Variants in UBE2R2 observed in about 807,000 individuals in gnomAD.
UBE2R2 encodes the protein ubiquitin-conjugating enzyme E2 R2.
Under a neutral mutation model 27.8 loss-of-function variants are expected in UBE2R2, and 1 was observed. The ratio of observed to expected loss-of-function variants is 0.04; its 90% CI spans 0.01 to 0.17. The LOEUF is 0.17. Among genes scored for constraint, UBE2R2 ranks in the 10% least tolerant of loss-of-function variants. UBE2R2 has a pLI of 1.00. For synonymous variants in UBE2R2, 106 were observed against 113.3 expected, an observed-to-expected ratio of 0.94 and a Z score of 0.41; for missense variants, 100 against 291.0, an observed-to-expected ratio of 0.34 and a Z score of 4.78.
chr9:33,817,606 G>C lies in UBE2R2; in HGVS notation c.-152G>C, dbSNP rs867091930. Reference sequence around the variant, plus strand: ...GACCCCGGGCGGGCCCACGGGCCGTGTGGGGCCTGGTCTGGCCCGCCGGGT... The same window carrying C: ...GACCCCGGGCGGGCCCACGGGCCGTCTGGGGCCTGGTCTGGCCCGCCGGGT... On this transcript the variant is annotated 5_prime_UTR_variant, in exon 1 of 5. Coordinates refer to ENST00000263228, the MANE Select transcript of UBE2R2 (RefSeq NM_017811.4). 1 of 947,622 alleles carries C rather than the reference G, an allele frequency of 1.1e-6. No homozygotes were observed. Among genetic ancestry groups the C allele is most frequent in the Non-Finnish European group, 1.3e-6 (1 of 770,320 alleles). The allele number at this position is 947,622 out of a possible 1,614,324, so 58.7% of individuals were successfully genotyped here.
intron 4 of UBE2R2, 44 bp from the exon 5 acceptor site, chr9:33,916,974 A>G: frequency 6.2e-7 from 1 of 1,604,130 alleles, no homozygotes; most frequent in Non-Finnish European, 8.5e-7. Context: ...TCTGTCTTAA[A>G]AAAAGACTTA....
At chr9:33,891,400 C>T (rs1453971121) in intron 2 of UBE2R2, among the ~76,000 whole-genome samples, 6 of 151,408 alleles carry the variant, frequency 4.0e-5, no homozygotes, top group South Asian at 4.2e-4. Flanking sequence ...AATCCTAACA[C>T]TTTGGGAGGC....
Position 33,848,898 on chromosome 9 carries a change from C to T in UBE2R2, c.177+30964C>T, listed in dbSNP as rs1820902321. On this transcript the variant is annotated intron_variant, in intron 1 of 4. Coordinates refer to ENST00000263228, the MANE Select transcript of UBE2R2 (RefSeq NM_017811.4). ...GGATTACATGCATGAGCTACCACAC[C>T]CGCCGAGTCTAATCTTAAAATGAGA... Among the ~76,000 whole-genome samples, 3 of 151,976 alleles carry T rather than the reference C, an allele frequency of 2.0e-5. No homozygotes were observed. In the South Asian group the frequency reaches 6.2e-4, roughly 32 times the overall value.
intron 1 of UBE2R2, among the ~76,000 whole-genome samples, chr9:33,844,300 G>T (rs757979839): frequency 1.3e-5 from 2 of 152,162 alleles, no homozygotes; most frequent in Non-Finnish European, 2.9e-5. Context: ...CGCCTCCCGG[G>T]TTCAAGCGAT....
At chr9:33,889,061 T>C (rs538510149) in intron 2 of UBE2R2, among the ~76,000 whole-genome samples, 3 of 152,344 alleles carry the variant, frequency 2.0e-5, no homozygotes, top group South Asian at 2.1e-4. Flanking sequence ...AAATAAACAA[T>C]AGTGACTACA....
intron 1 of UBE2R2, among the ~76,000 whole-genome samples, chr9:33,851,702 T>C (rs1284798673): frequency 6.6e-6 from 1 of 152,164 alleles, no homozygotes; most frequent in Non-Finnish European, 1.5e-5. Context: ...TTCCTTGTAA[T>C]TCATGAGTAT....
chr9:33,899,292 C>T lies in UBE2R2; in HGVS notation c.265-882C>T, dbSNP rs369740343. Among the ~76,000 whole-genome samples the T allele has an allele frequency of 5.1e-4, 77 of 152,204 alleles. 1 individual carries two copies. In the East Asian group the frequency reaches 0.013, roughly 26 times the overall value. ...TTGGCTCACTGCAACCTCCGCCTCC[C>T]GGGTTCAAGCGATTCTCCTGCCTCA... On this transcript the variant is annotated intron_variant, in intron 2 of 4. Transcript: ENST00000263228.
Position 33,844,423 on chromosome 9 carries a change from C to T in UBE2R2, c.177+26489C>T, listed in dbSNP as rs1219228519. Among the ~76,000 whole-genome samples, 4 of 151,548 alleles carry T rather than the reference C, an allele frequency of 2.6e-5. No individual in the cohort carries two copies. The South Asian group carries it at 6.2e-4, about 24-fold the overall frequency. On this transcript the variant is annotated intron_variant, in intron 1 of 4. Coordinates refer to ENST00000263228, the MANE Select transcript of UBE2R2 (RefSeq NM_017811.4). The stretch of plus-strand genomic sequence containing the variant: ...TTCACCATGTTGGTCAGGCTGGTCT[C>T]GAACTCCTGACTTCAGATGATCCGC...
At chr9:33,891,299 A>G (rs1041403493) in intron 2 of UBE2R2, among the ~76,000 whole-genome samples, 3 of 148,022 alleles carry the variant, frequency 2.0e-5, no homozygotes, top group Non-Finnish European at 4.5e-5. Context: ...TCGGCCTCCC[A>G]AAGTGCTGGG....
intron 1 of UBE2R2, among the ~76,000 whole-genome samples, chr9:33,850,724 C>A (rs1820948123): frequency 6.6e-6 from 1 of 152,062 alleles, no homozygotes; most frequent in Admixed American, 6.6e-5. Context: ...AAATAGTTCA[C>A]ATATATAGTT....
At chr9:33,834,503 G>A (rs1162201116) in intron 1 of UBE2R2, among the ~76,000 whole-genome samples, 4 of 150,956 alleles carry the variant, frequency 2.6e-5, no homozygotes, top group Non-Finnish European at 5.9e-5. Context: ...TGAGCCACAC[G>A]CCCAGCCTTC....
chr9:33,873,287 T>A (rs1369175243), intron 1 of UBE2R2, among the ~76,000 whole-genome samples: 1 of 152,114 alleles, frequency 6.6e-6, no homozygotes, highest in African/African-American at 2.4e-5. Context: ...GTGCTGCTGT[T>A]TTTTTCCCCC....
At chr9:33,882,126 C>T (rs1821742587) in intron 1 of UBE2R2, among the ~76,000 whole-genome samples, 2 of 152,098 alleles carry the variant, frequency 1.3e-5, no homozygotes, top group Admixed American at 1.3e-4. Context: ...CAGTTTGGCT[C>T]CTATGCTGTT....
intron 2 of UBE2R2, among the ~76,000 whole-genome samples, chr9:33,896,359 A>T (rs1298210179): frequency 1.3e-5 from 2 of 152,122 alleles, no homozygotes; most frequent in African/African-American, 2.4e-5. Flanking sequence ...GAAAGCAGGC[A>T]TCCTTGTCAA....
At chr9:33,852,321 T>C (rs1820985364) in intron 1 of UBE2R2, among the ~76,000 whole-genome samples, 3 of 152,024 alleles carry the variant, frequency 2.0e-5, no homozygotes, top group Non-Finnish European at 4.4e-5. Flanking sequence ...GAAACAAAAT[T>C]TGATCACACT....
chr9:33,854,773 C>T (rs1171981112), intron 1 of UBE2R2, among the ~76,000 whole-genome samples: 2 of 149,714 alleles, frequency 1.3e-5, no homozygotes, highest in African/African-American at 4.9e-5. Flanking sequence ...GACTGGAGTG[C>T]AGTGGCATGA....
At chr9:33,838,325 AG>A (rs1385819803) in intron 1 of UBE2R2, among the ~76,000 whole-genome samples, 1 of 146,168 alleles carries the variant, frequency 6.8e-6, no homozygotes, top group Admixed American at 6.9e-5. Context: ...GGTAGAACCC[AG>A]GGATATGGAG....
chr9:33,879,990 AT>A (rs1457220386), intron 1 of UBE2R2, among the ~76,000 whole-genome samples: 2 of 151,306 alleles, frequency 1.3e-5, no homozygotes, highest in Non-Finnish European at 2.9e-5. Context: ...TTAAGTAGTG[AT>A]CCTTCTACCT....
intron 3 of UBE2R2, among the ~76,000 whole-genome samples, chr9:33,908,534 C>G (rs1822415444): frequency 6.6e-6 from 1 of 152,132 alleles, no homozygotes; most frequent in South Asian, 2.1e-4. Flanking sequence ...AGAAAACTTA[C>G]TGGGTTGACA....
Sources: allele counts gnomAD v4.1 joint callset (sites outside exome capture counted in the v4.1 genomes callset), GRCh38; gene constraint gnomAD v4.1.1; transcripts MANE v1.5; gene names NCBI Gene and HGNC (gene_info 2026-07-23, HGNC 2026-07-21).